Variants in ALG1L2 observed in about 807,000 individuals in gnomAD.
ALG1L2 encodes ALG1 chitobiosyldiphosphodolichol beta-mannosyltransferase like 2.
A neutral mutation model predicts 29.0 loss-of-function variants in ALG1L2; 32 were observed. The observed-to-expected ratio is 1.10, with a 90% CI of 0.83 to 1.48. ALG1L2 has a LOEUF of 1.48. Among genes scored for constraint, ALG1L2 ranks in the 40% most tolerant of loss-of-function variants. The pLI is 0.00. For missense variants in ALG1L2, 318 were observed against 274.1 expected, an observed-to-expected ratio of 1.16 and a Z score of -1.13; for synonymous variants, 110 against 109.5, an observed-to-expected ratio of 1.00 and a Z score of -0.03.
At chr3:130,083,128 T>C (rs202134110) in intron 1 of ALG1L2, among the ~76,000 whole-genome samples, 1 of 24,824 alleles carries the variant, frequency 4.0e-5, no homozygotes, top group Non-Finnish European at 9.2e-5. Flanking sequence ...TGGTAGATTG[T>C]ATAGGTGTGA....
chr3:130,095,074 G>T (rs6799595), intron 5 of ALG1L2, among the ~76,000 whole-genome samples: 87 of 152,298 alleles, frequency 5.7e-4, no homozygotes, highest in African/African-American at 1.9e-3. Flanking sequence ...TTGCTCCGTT[G>T]CCTAGGTTGG....
intron 4 of ALG1L2, 139 bp from the exon 5 acceptor site, chr3:130,094,258 AAGGCCC>A (rs1935082231): frequency 9.8e-7 from 1 of 1,017,138 alleles, no homozygotes; most frequent in African/African-American, 1.6e-5. Context: ...TGCTTCTGGA[AAGGCCC>A]AGATAGGGCC....
rs886834179 is a variant in ALG1L2 at position 130,096,267 on chromosome 3, G to C, written c.539+104G>C. On this transcript the variant is annotated intron_variant, in intron 6 of 7. Coordinates refer to ENST00000425059, the MANE Select transcript of ALG1L2 (RefSeq NM_001136152.1). Reference sequence around the variant, plus strand: ...GCCCACAGTGAGGCCCTGCCCCTCGGTCAGTCCAGCACACACTGGAGGCCA... The same window carrying C: ...GCCCACAGTGAGGCCCTGCCCCTCGCTCAGTCCAGCACACACTGGAGGCCA... The C allele has an allele frequency of 3.0e-6, 4 of 1,354,598 alleles. No individual in the cohort carries two copies. The African/African-American group carries it at 4.3e-5, about 15-fold the overall frequency. The allele number at this position is 1,354,598 out of a possible 1,614,324, so 83.9% of individuals were successfully genotyped here. A position where few individuals can be genotyped will look rare whatever the true frequency, so the allele number is the denominator to read the frequency against.
chr3:130,091,818 G>A (rs1577328049), intron 2 of ALG1L2: 2 of 649,942 alleles, frequency 3.1e-6, no homozygotes, highest in East Asian at 3.3e-5. Context: ...GTGTGGGAGG[G>A]CGTCCTAGCA....
At chr3:130,087,276 G>A (rs1276257937) in intron 1 of ALG1L2, among the ~76,000 whole-genome samples, 24 of 150,482 alleles carry the variant, frequency 1.6e-4, no homozygotes, top group African/African-American at 4.6e-4. Context: ...GAATATCACC[G>A]CCAAGAAACA....
intron 7 of ALG1L2, among the ~76,000 whole-genome samples, chr3:130,097,843 T>G (rs1935176130): frequency 6.6e-6 from 1 of 152,214 alleles, no homozygotes; most frequent in Admixed American, 6.5e-5. Flanking sequence ...TGGGCTGGAT[T>G]TGGCCTGCAG....
chr3:130,093,052 A>C (rs1177879685), intron 3 of ALG1L2, 49 bp from the exon 4 acceptor site: 1 of 1,430,634 alleles, frequency 7.0e-7, no homozygotes, highest in Admixed American at 2.1e-5. Flanking sequence ...AAAAAAAAAA[A>C]AATTAAATCA....
intron 4 of ALG1L2, chr3:130,093,871 C>A: frequency 6.0e-6 from 1 of 165,454 alleles, no homozygotes. Flanking sequence ...TCTGGGCCAG[C>A]TGCTGGTCCT....
intron 4 of ALG1L2, chr3:130,094,187 G>C (rs140998121): frequency 0.018 from 10,899 of 593,608 alleles, 141 homozygotes; most frequent in South Asian, 0.03. Context: ...GGTTGCAGGT[G>C]CAGGGCTATG....
chr3:130,082,092 C>T, intron 1 of ALG1L2, 56 bp downstream of exon 1: 1 of 1,478,348 alleles, frequency 6.8e-7, no homozygotes, highest in Non-Finnish European at 9.2e-7. Context: ...CTGGGTTGGC[C>T]TGCGTCTGAT....
In ALG1L2 at chr3:130,096,068, C is replaced by T; in HGVS notation, c.444C>T (p.Val148=). The part of the protein sequence containing the change: ...PPLLGSVDLD[V]CLDTSSSGLD... Reference sequence around the variant, plus strand: ...TAGCAGGGTCGGTGGACCTGGATGTCTGTCTGGACACGTCCTCCAGTGGCC... The same window carrying T: ...TAGCAGGGTCGGTGGACCTGGATGTTTGTCTGGACACGTCCTCCAGTGGCC... Residue 148 remains valine, a synonymous_variant, in exon 6 of 8, where the codon GTC becomes GTT. Transcript: ENST00000425059. 5 of 1,601,926 alleles carry T rather than the reference C, an allele frequency of 3.1e-6. No individual in the cohort carries two copies. The highest frequency in any genetic ancestry group is 4.3e-6 in the Non-Finnish European group (5 of 1,176,152).
intron 5 of ALG1L2, among the ~76,000 whole-genome samples, chr3:130,095,390 T>G (rs1361162705): frequency 6.8e-6 from 1 of 146,344 alleles, no homozygotes; most frequent in African/African-American, 2.5e-5. Flanking sequence ...ACAGCTGGTT[T>G]GTGGTGGGTG....
chr3:130,096,661 T>C lies in ALG1L2; in HGVS notation c.539+498T>C, dbSNP rs908409869. ...CAGCATAGACGGGTGTTTGGAAGGG[T>C]GGAGTTAGAGGAGATTCTAGAAGCA... On this transcript the variant is annotated intron_variant, in intron 6 of 7. Coordinates refer to ENST00000425059, the MANE Select transcript of ALG1L2 (RefSeq NM_001136152.1). Among the ~76,000 whole-genome samples the C allele has an allele frequency of 6.5e-3, 986 of 151,748 alleles. 3 individuals are homozygous for C. Among genetic ancestry groups the C allele is most frequent in the Non-Finnish European group, 7.6e-3 (514 of 67,928 alleles).
intron 1 of ALG1L2, among the ~76,000 whole-genome samples, chr3:130,090,182 C>A (rs1934985635): frequency 6.6e-6 from 1 of 152,296 alleles, no homozygotes; most frequent in Non-Finnish European, 1.5e-5. Flanking sequence ...ATGGTGAAAT[C>A]CCGTCCCTAC....
At position 130,098,095 on chromosome 3, in the gene ALG1L2, G is replaced by T. The variant is rs181473001; in HGVS notation, c.616-128G>T. The T allele has an allele frequency of 5.6e-4, 703 of 1,261,476 alleles. 6 individuals carry two copies. In the African/African-American group the frequency reaches 8.9e-3, roughly 16 times the overall value. The allele number at this position is 1,261,476 out of a possible 1,614,324, so 78.1% of individuals were successfully genotyped here. ...GGCGGAGCGCTGCTGGGGTGTGAAG[G>T]GTCTCAAGTCCAAGTGAGGGAGCTA... On this transcript the variant is annotated intron_variant, in intron 7 of 7. Transcript: ENST00000425059.
chr3:130,098,367 C>A lies in ALG1L2; in HGVS notation c.*112C>A. On this transcript the variant is annotated 3_prime_UTR_variant, in exon 8 of 8. Coordinates refer to ENST00000425059, the MANE Select transcript of ALG1L2 (RefSeq NM_001136152.1). Reference sequence around the variant, plus strand: ...TCCCTTTGGTTATGGACACATAACTCCTGGGCCAGAGGCTAAAACCCCAGG... The same window carrying A: ...TCCCTTTGGTTATGGACACATAACTACTGGGCCAGAGGCTAAAACCCCAGG... 6.3e-7 allele frequency: 1 copy of A among 1,595,884 alleles called. No individual in the cohort carries two copies. The highest frequency in any genetic ancestry group is 8.5e-7 in the Non-Finnish European group (1 of 1,179,392).
chr3:130,088,389 T>A (rs1934938587), intron 1 of ALG1L2, among the ~76,000 whole-genome samples: 1 of 152,300 alleles, frequency 6.6e-6, no homozygotes, highest in Non-Finnish European at 1.5e-5. Flanking sequence ...GCTGTTCCCA[T>A]GACATTGAAT....
chr3:130,092,978 T>G, intron 3 of ALG1L2, 123 bp from the exon 4 acceptor site: 19 of 979,418 alleles, frequency 1.9e-5, no homozygotes, highest in Non-Finnish European at 2.5e-5. Flanking sequence ...TGCAGTGAGC[T>G]GAGATCATGC....
chr3:130,088,985 A>G (rs553915130), intron 1 of ALG1L2, among the ~76,000 whole-genome samples: 1 of 152,418 alleles, frequency 6.6e-6, no homozygotes, highest in South Asian at 2.1e-4. Context: ...GCAGTCTGAA[A>G]TCCTTGTGAT....
Sources: gnomAD v4.1 joint callset for allele counts (sites outside exome capture counted in the v4.1 genomes callset) on GRCh38, gnomAD v4.1.1 for gene constraint, MANE v1.5 for transcripts, NCBI Gene and HGNC (gene_info 2026-07-23, HGNC 2026-07-21) for gene names.